Variants in GLO1 observed in about 807,000 individuals in gnomAD.
GLO1 encodes the protein glyoxalase I, also known as lactoylglutathione lyase.
In GLO1, 28 loss-of-function variants were observed where a neutral mutation model predicts 26.0. That is an observed-to-expected ratio of 1.08 (90% CI 0.80 to 1.48). The LOEUF (loss-of-function observed/expected upper bound fraction) is 1.48, where lower values mean the gene tolerates loss of function less well. Among genes scored for constraint, GLO1 ranks in the 40% most tolerant of loss-of-function variants. The pLI is 0.00. For missense variants in GLO1, 225 were observed against 224.8 expected (o/e 1.00, Z -0.01); for synonymous variants, 78 against 77.6 (o/e 1.00, Z -0.03).
At chr6:38,697,761 G>T (rs749980298) in intron 1 of GLO1, among the ~76,000 whole-genome samples, 1 of 152,178 alleles carries the variant, frequency 6.6e-6, no homozygotes, top group Non-Finnish European at 1.5e-5. Context: ...AAACAAAAGT[G>T]AACAAAGTGG....
chr6:38,682,754 A>C, intron 4 of GLO1, 54 bp downstream of exon 4: 1 of 912,924 alleles, frequency 1.1e-6, no homozygotes, highest in Non-Finnish European at 1.8e-6. Context: ...AATTATATAC[A>C]TAATACAAAA....
intron 5 of GLO1, among the ~76,000 whole-genome samples, chr6:38,681,745 G>T (rs1761383483): frequency 6.6e-6 from 1 of 152,184 alleles, no homozygotes; most frequent in Non-Finnish European, 1.5e-5. Flanking sequence ...AAAGTGGTGG[G>T]GTCGGGCAGT....
intron 2 of GLO1, among the ~76,000 whole-genome samples, chr6:38,685,502 G>A (rs1017185734): frequency 1.3e-5 from 2 of 152,156 alleles, no homozygotes; most frequent in African/African-American, 4.8e-5. Context: ...AGAGCAAATG[G>A]CTGTTATTGC....
Position 38,676,032 on chromosome 6 carries a change from CAT to C in GLO1, c.*1261_*1262del, listed in dbSNP as rs1290011061. 1 of 152,102 alleles carries C rather than the reference CAT, an allele frequency of 6.6e-6. No individual in the cohort carries two copies. The highest frequency in any genetic ancestry group is 1.5e-5 in the Non-Finnish European group (1 of 68,010). 9.4% of individuals were successfully genotyped at this position (152,102 alleles called of 1,614,324 possible). A position where few individuals can be genotyped will look rare whatever the true frequency, so the allele number is the denominator to read the frequency against. ...AAATCCATTTCACCCAAAAAGGAAA[CAT>C]AAAGTGCTTCTAGCAGTACAAGCAC... On this transcript the variant is annotated 3_prime_UTR_variant, in exon 6 of 6. Transcript: ENST00000373365.
chr6:38,683,712 C>G (rs182321605), intron 3 of GLO1, among the ~76,000 whole-genome samples: 1 of 151,928 alleles, frequency 6.6e-6, no homozygotes, highest in Non-Finnish European at 1.5e-5. Flanking sequence ...ATGGTGAAAC[C>G]CCGTCTCTAC....
chr6:38,681,017 C>T (rs867015602), intron 5 of GLO1, among the ~76,000 whole-genome samples: 6 of 152,052 alleles, frequency 3.9e-5, no homozygotes, highest in Admixed American at 6.5e-5. Flanking sequence ...ACAATGAGGA[C>T]AGAGTGAAGC....
intron 2 of GLO1, among the ~76,000 whole-genome samples, chr6:38,685,423 A>G (rs1761448757): frequency 6.6e-6 from 1 of 152,196 alleles, no homozygotes; most frequent in South Asian, 2.1e-4. Flanking sequence ...GGCAAGGAGT[A>G]AGGTGGCATG....
chr6:38,683,730 A>G (rs1201892516), intron 3 of GLO1, among the ~76,000 whole-genome samples: 1 of 152,070 alleles, frequency 6.6e-6, no homozygotes, highest in Non-Finnish European at 1.5e-5. Context: ...TACAAAAAAT[A>G]CAAAAAATTA....
intron 1 of GLO1, among the ~76,000 whole-genome samples, chr6:38,689,763 T>C (rs1036327057): frequency 6.6e-6 from 1 of 151,350 alleles, no homozygotes; most frequent in African/African-American, 2.4e-5. Context: ...CTGATCAACA[T>C]GGTGAAACCC....
Position 38,692,878 on chromosome 6 carries a change from C to T in GLO1, c.85-5904G>A, listed in dbSNP as rs1000663196. Among the ~76,000 whole-genome samples the T allele has an allele frequency of 9.3e-5, 14 of 149,790 alleles. No homozygotes were observed. In the Admixed American group the frequency reaches 9.4e-4, roughly 10 times the overall value. ...CCAGGCTTGCATCCTAGATATAAACCTCACTTGGTTAAGGTGTATAATTCT... is the reference window on the plus strand; with the variant it reads ...CCAGGCTTGCATCCTAGATATAAACTTCACTTGGTTAAGGTGTATAATTCT... On this transcript the variant is annotated intron_variant, in intron 1 of 5. Transcript: ENST00000373365.
intron 3 of GLO1, among the ~76,000 whole-genome samples, chr6:38,683,889 A>AAAATAAAT (rs376041188): frequency 2.6e-5 from 4 of 151,542 alleles, no homozygotes; most frequent in African/African-American, 9.7e-5. Context: ...TCTGTCTCAA[A>AAAATAAAT]AAATAAATAA....
chr6:38,698,928 C>T (rs1366790254), intron 1 of GLO1, among the ~76,000 whole-genome samples: 3 of 152,130 alleles, frequency 2.0e-5, no homozygotes, highest in Admixed American at 6.6e-5. Flanking sequence ...ACTTGGATCC[C>T]TCCAATCTAC....
At chr6:38,682,229 G>T in intron 4 of GLO1, 128 bp from the exon 5 acceptor site, 1 of 655,422 alleles carries the variant, frequency 1.5e-6, no homozygotes, top group Non-Finnish European at 2.7e-6. Context: ...ACAGACTTAG[G>T]TAGGTTCAAA....
rs182435552 is a variant in GLO1, at chr6:38,696,997, C to A, written c.84+5974G>T. Among the ~76,000 whole-genome samples, 951 of 151,720 alleles carry A rather than the reference C, an allele frequency of 6.3e-3. 4 individuals carry two copies. Among genetic ancestry groups the A allele is most frequent in the Non-Finnish European group, 0.011 (733 of 67,940 alleles). On this transcript the variant is annotated intron_variant, in intron 1 of 5. Coordinates refer to ENST00000373365, the MANE Select transcript of GLO1 (RefSeq NM_006708.3). ...GCAATGGCACGATCTCGGCTCACTG[C>A]AACCTCTGCCTCCCAGGCTATTCTC... is the stretch of plus-strand genomic sequence containing the variant.
chr6:38,678,333 A>G (rs2127545292), intron 5 of GLO1, among the ~76,000 whole-genome samples: 1 of 150,984 alleles, frequency 6.6e-6, no homozygotes, highest in African/African-American at 2.5e-5. Flanking sequence ...AGAGAAAGAG[A>G]AAGAGAAAGA....
intron 5 of GLO1, among the ~76,000 whole-genome samples, chr6:38,681,073 T>C (rs1761366388): frequency 6.6e-6 from 1 of 152,150 alleles, no homozygotes; most frequent in South Asian, 2.1e-4. Flanking sequence ...TAAATATATA[T>C]ATATTTTTGT....
chr6:38,687,150 A>G, intron 1 of GLO1, 176 bp from the exon 2 acceptor site: 21 of 969,154 alleles, frequency 2.2e-5, no homozygotes, highest in Non-Finnish European at 2.6e-5. Flanking sequence ...GCAAGTCCAA[A>G]GTGTCAGAAA....
chr6:38,698,207 TC>T, intron 1 of GLO1, among the ~76,000 whole-genome samples: 1 of 152,186 alleles, frequency 6.6e-6, no homozygotes, highest in East Asian at 1.9e-4. Context: ...TTCCCTCAAG[TC>T]CCACTGCTTA....
chr6:38,692,356 T>G (rs911065187), intron 1 of GLO1, among the ~76,000 whole-genome samples: 1 of 152,212 alleles, frequency 6.6e-6, no homozygotes, highest in Non-Finnish European at 1.5e-5. Context: ...TGCTAGTATA[T>G]AGAAACGCGA....
Sources: gnomAD v4.1 joint callset for allele counts (sites outside exome capture counted in the v4.1 genomes callset) on GRCh38, gnomAD v4.1.1 for gene constraint, MANE v1.5 for transcripts, NCBI Gene and HGNC (gene_info 2026-07-23, HGNC 2026-07-21) for gene names.